DGKB: variants seen among roughly 807,000 people sequenced by gnomAD.
DGKB encodes 90 kDa diacylglycerol kinase.
Under a neutral mutation model 114.3 loss-of-function variants are expected in DGKB, and 67 were observed. The ratio of observed to expected loss-of-function variants is 0.59; its 90% CI spans 0.48 to 0.72. DGKB has a LOEUF of 0.72. Ranked by LOEUF, DGKB falls within the 30% of genes least tolerant of loss-of-function variation. The pLI is 0.00. For missense variants in DGKB, 907 were observed against 975.2 expected (o/e 0.93, Z 0.93); for synonymous variants, 398 against 323.1 (o/e 1.23, Z -2.49).
At chr7:14,661,589 A>T (rs1380370366) in intron 13 of DGKB, among the ~76,000 whole-genome samples, 1 of 151,960 alleles carries the variant, frequency 6.6e-6, no homozygotes, top group African/African-American at 2.4e-5. Flanking sequence ...AAATAGGAAC[A>T]CTTTTACACT....
intron 1 of DGKB, among the ~76,000 whole-genome samples, chr7:14,935,904 A>C (rs1255959000): frequency 6.6e-6 from 1 of 152,152 alleles, no homozygotes; most frequent in Non-Finnish European, 1.5e-5. Context: ...TTTCATTTCC[A>C]AAAACTTCTC....
At chr7:14,648,469 G>A (rs1585331451) in intron 13 of DGKB, among the ~76,000 whole-genome samples, 1 of 151,398 alleles carries the variant, frequency 6.6e-6, no homozygotes, top group Non-Finnish European at 1.5e-5. Context: ...AAACAGAAAG[G>A]ACATCCACAC....
chr7:14,259,284 A>G (rs1796382999), intron 23 of DGKB, among the ~76,000 whole-genome samples: 1 of 151,810 alleles, frequency 6.6e-6, no homozygotes, highest in Non-Finnish European at 1.5e-5. Flanking sequence ...TTATGTAAAA[A>G]TGCAATACTG....
chr7:14,625,710 A>G (rs1287941097), intron 14 of DGKB, among the ~76,000 whole-genome samples: 2 of 152,154 alleles, frequency 1.3e-5, no homozygotes, highest in African/African-American at 4.8e-5. Flanking sequence ...ATCATCCTAG[A>G]TATACAAAGA....
At chr7:14,182,346 A>G (rs1424741466) in intron 23 of DGKB, among the ~76,000 whole-genome samples, 4 of 152,096 alleles carry the variant, frequency 2.6e-5, no homozygotes, top group Non-Finnish European at 4.4e-5. Context: ...ATATCTCTAA[A>G]TCAAAATTTC....
intron 13 of DGKB, among the ~76,000 whole-genome samples, chr7:14,641,254 AATAT>A (rs1811731439): frequency 3.8e-5 from 1 of 26,582 alleles, no homozygotes; most frequent in Admixed American, 6.2e-4. Flanking sequence ...TTTGGTTTAC[AATAT>A]AGGGATTTGG....
chr7:14,231,120 TTTCTTTCTTTCTTTC>T (rs1422127129), intron 23 of DGKB, among the ~76,000 whole-genome samples: 12 of 126,984 alleles, frequency 9.5e-5, no homozygotes, highest in Non-Finnish European at 1.2e-4. Flanking sequence ...TCTTTCTTTC[TTTCTTTCTTTCTTTC>T]TTTCTTTCTT....
At chr7:14,280,060 C>T (rs1799696191) in intron 23 of DGKB, among the ~76,000 whole-genome samples, 1 of 151,946 alleles carries the variant, frequency 6.6e-6, no homozygotes, top group African/African-American at 2.4e-5. Context: ...TCAAATTACT[C>T]TGAGCTATGG....
At chr7:14,731,614 G>C (rs1344882066) in intron 5 of DGKB, among the ~76,000 whole-genome samples, 1 of 152,168 alleles carries the variant, frequency 6.6e-6, no homozygotes, top group African/African-American at 2.4e-5. Flanking sequence ...GTTATGTTGA[G>C]TGTTCAAGTT....
At chr7:14,632,799 T>C (rs533239785) in intron 13 of DGKB, among the ~76,000 whole-genome samples, 1 of 151,762 alleles carries the variant, frequency 6.6e-6, no homozygotes, top group Non-Finnish European at 1.5e-5. Context: ...GAGGGGGAAC[T>C]GTTAAAGATA....
chr7:14,809,656 T>G (rs1448700952), intron 2 of DGKB, among the ~76,000 whole-genome samples: 7 of 152,300 alleles, frequency 4.6e-5, no homozygotes, highest in Non-Finnish European at 1.0e-4. Flanking sequence ...TTAATATCTT[T>G]GGCATAATTA....
At chr7:14,685,496 T>C in intron 9 of DGKB, 134 bp from the exon 10 acceptor site, 1 of 661,146 alleles carries the variant, frequency 1.5e-6, no homozygotes, top group Non-Finnish European at 2.6e-6. Flanking sequence ...TTCTCCAAGA[T>C]CACCGCAGAG....
chr7:14,919,099 C>CAA (rs1554345190), intron 1 of DGKB, among the ~76,000 whole-genome samples: 1,586 of 141,804 alleles, frequency 0.011, 44 homozygotes, highest in Admixed American at 0.074. Flanking sequence ...CACACAAACA[C>CAA]ACACACACAC....
intron 25 of DGKB, among the ~76,000 whole-genome samples, chr7:14,172,667 T>C (rs1177537724): frequency 2.0e-5 from 3 of 152,130 alleles, no homozygotes; most frequent in Non-Finnish European, 2.9e-5. Flanking sequence ...AGGCAAATGA[T>C]GAGTCCATTT....
chr7:14,478,803 G>A (rs191590471), intron 20 of DGKB, among the ~76,000 whole-genome samples: 4 of 149,360 alleles, frequency 2.7e-5, no homozygotes, highest in Non-Finnish European at 3.0e-5. Flanking sequence ...TCGTTGAATA[G>A]AAAAAAAAAA....
chr7:14,671,349 A>C (rs1454342398), intron 13 of DGKB, among the ~76,000 whole-genome samples: 1 of 152,184 alleles, frequency 6.6e-6, no homozygotes, highest in Non-Finnish European at 1.5e-5. Context: ...CTCAATAGTC[A>C]TCACACGCTT....
intron 1 of DGKB, among the ~76,000 whole-genome samples, chr7:14,877,737 C>A (rs1443968253): frequency 6.6e-6 from 1 of 152,092 alleles, no homozygotes; most frequent in East Asian, 1.9e-4. Context: ...TGTTTATTTA[C>A]CAAGTTGACT....
chr7:14,714,790 G>T (rs1827932289), intron 6 of DGKB, among the ~76,000 whole-genome samples: 2 of 152,150 alleles, frequency 1.3e-5, no homozygotes, highest in African/African-American at 4.8e-5. Flanking sequence ...TAAGTTGAAT[G>T]TCTGAAATTA....
chr7:14,352,630 T>C (rs962230934), intron 21 of DGKB, among the ~76,000 whole-genome samples: 1 of 152,172 alleles, frequency 6.6e-6, no homozygotes, highest in African/African-American at 2.4e-5. Flanking sequence ...TACATTTCAA[T>C]AATAATTAAA....
Sources: gnomAD v4.1 joint callset for allele counts (sites outside exome capture counted in the v4.1 genomes callset) on GRCh38, gnomAD v4.1.1 for gene constraint, MANE v1.5 for transcripts, NCBI Gene and HGNC (gene_info 2026-07-23, HGNC 2026-07-21) for gene names.